Variants in AGTPBP1 observed in about 807,000 individuals in gnomAD.
AGTPBP1 encodes the protein ATP/GTP binding carboxypeptidase 1.
A neutral mutation model predicts 143.9 loss-of-function variants in AGTPBP1; 70 were observed. The observed-to-expected ratio is 0.49, with a 90% confidence interval of 0.40 to 0.59. The LOEUF is 0.59. Ranked by LOEUF, AGTPBP1 falls within the 20% of genes least tolerant of loss-of-function variation. The probability of loss-of-function intolerance (pLI) is 0.00; values close to 1 mark genes in which losing one functional copy is unlikely to be tolerated. For synonymous variants in AGTPBP1, 463 were observed against 500.2 expected (o/e 0.93, Z 0.99); for missense variants, 1,229 against 1,464.5 (o/e 0.84, Z 2.62).
chr9:85,555,476 G>A (rs1826279573), intron 25 of AGTPBP1, among the ~76,000 whole-genome samples: 1 of 152,174 alleles, frequency 6.6e-6, no homozygotes, highest in Non-Finnish European at 1.5e-5. Flanking sequence ...GCAGGCACCT[G>A]TAATCCCAGT....
intron 23 of AGTPBP1, 71 bp downstream of exon 23, chr9:85,585,392 A>G: frequency 7.3e-7 from 1 of 1,371,652 alleles, no homozygotes; most frequent in Non-Finnish European, 9.6e-7. Flanking sequence ...TGAGTAGTTC[A>G]TATATGTTCT....
intron 13 of AGTPBP1, 120 bp from the exon 14 acceptor site, chr9:85,633,494 A>C (rs1251868965): frequency 4.2e-6 from 3 of 720,950 alleles, no homozygotes; most frequent in Non-Finnish European, 6.1e-6. Flanking sequence ...AGATGGATAA[A>C]ACCGGATATG....
At chr9:85,712,372 T>C (rs994000079) in intron 2 of AGTPBP1, 130 bp downstream of exon 2, 2 of 456,210 alleles carry the variant, frequency 4.4e-6, no homozygotes, top group Non-Finnish European at 7.4e-6. Context: ...TTAATAAACA[T>C]TTTTAATTAC....
chr9:85,803,657 C>T, the AGTPBP1 span, among the ~76,000 whole-genome samples: 1 of 152,174 alleles, frequency 6.6e-6, no homozygotes, highest in Non-Finnish European at 1.5e-5. Flanking sequence ...CTTCTTTTAT[C>T]TCACAGCAAT....
At chr9:85,797,224 C>T in the AGTPBP1 span, among the ~76,000 whole-genome samples, 1 of 152,144 alleles carries the variant, frequency 6.6e-6, no homozygotes, top group South Asian at 2.1e-4. Context: ...GCTCCCACCT[C>T]AGCCTCCTGA....
chr9:85,695,774 A>C (rs1241497511), intron 2 of AGTPBP1, among the ~76,000 whole-genome samples: 5 of 152,224 alleles, frequency 3.3e-5, no homozygotes, highest in African/African-American at 1.2e-4. Flanking sequence ...TTTTACTTCA[A>C]GAAAACGATG....
At chr9:85,586,760 C>T in intron 22 of AGTPBP1, 71 bp downstream of exon 22, 1 of 1,535,836 alleles carries the variant, frequency 6.5e-7, no homozygotes, top group Non-Finnish European at 8.9e-7. Context: ...GATTATCACA[C>T]AAGTGCTTGA....
intron 17 of AGTPBP1, among the ~76,000 whole-genome samples, chr9:85,606,347 T>A (rs1393904060): frequency 6.8e-6 from 1 of 147,600 alleles, no homozygotes; most frequent in African/African-American, 2.5e-5. Flanking sequence ...CAAACTACAA[T>A]GAGATACCAT....
At chr9:85,743,745 C>G (rs943618653), upstream of AGTPBP1, among the ~76,000 whole-genome samples, 1 of 152,086 alleles carries the variant, frequency 6.6e-6, no homozygotes. Context: ...AGGGCCACAC[C>G]CTGTTAGCCT....
At chr9:85,694,813 A>T (rs1212369257) in intron 2 of AGTPBP1, among the ~76,000 whole-genome samples, 1 of 152,040 alleles carries the variant, frequency 6.6e-6, no homozygotes, top group African/African-American at 2.4e-5. Context: ...AGCTTCACCA[A>T]CCTAACCAGC....
chr9:85,770,423 T>A, the AGTPBP1 span: 2 of 1,601,712 alleles, frequency 1.2e-6, no homozygotes, highest in Non-Finnish European at 1.7e-6. Context: ...GAAGCAAATG[T>A]CTTGGAAAAA....
At chr9:85,549,117 G>A (rs1825893862) in intron 25 of AGTPBP1, among the ~76,000 whole-genome samples, 1 of 152,186 alleles carries the variant, frequency 6.6e-6, no homozygotes, top group African/African-American at 2.4e-5. Flanking sequence ...AGCAAAGAAA[G>A]GGAAAAGAGG....
At chr9:85,774,762 C>G in the AGTPBP1 span, among the ~76,000 whole-genome samples, 3 of 152,116 alleles carry the variant, frequency 2.0e-5, no homozygotes, top group African/African-American at 7.2e-5. Context: ...GAAGAAGCAA[C>G]CTGAGTAAGC....
chr9:85,765,844 G>C, the AGTPBP1 span, among the ~76,000 whole-genome samples: 2 of 152,160 alleles, frequency 1.3e-5, no homozygotes, highest in Admixed American at 1.3e-4. Context: ...TTAGATTGTT[G>C]CTCATTGAGA....
At chr9:85,668,094 G>C (rs954652625) in intron 8 of AGTPBP1, among the ~76,000 whole-genome samples, 2 of 151,790 alleles carry the variant, frequency 1.3e-5, no homozygotes, top group Non-Finnish European at 1.5e-5. Flanking sequence ...AAATACGCTA[G>C]GAAAAAAGAA....
intron 15 of AGTPBP1, among the ~76,000 whole-genome samples, 171 bp downstream of exon 15, chr9:85,621,031 C>A (rs1269393467): frequency 1.3e-5 from 2 of 152,062 alleles, no homozygotes; most frequent in Admixed American, 6.5e-5. Context: ...CATTACATCC[C>A]AAAGGATGAA....
At chr9:85,800,340 A>G in the AGTPBP1 span, among the ~76,000 whole-genome samples, 2 of 152,168 alleles carry the variant, frequency 1.3e-5, no homozygotes, top group East Asian at 1.9e-4. Flanking sequence ...GAGAGAAAGC[A>G]GCTGTAGTTT....
Position 85,617,375 on chromosome 9 carries a change from C to T in AGTPBP1, c.2335+1608G>A, listed in dbSNP as rs118186379. ...CCCCAGTGCAAGTTTTCTTGTATGC[C>T]AGAAAAAAATTCTTTTCTTTTACAC... On this transcript the variant is annotated intron_variant, in intron 17 of 25. Coordinates refer to ENST00000357081, the MANE Select transcript of AGTPBP1 (RefSeq NM_001330701.2). Among the ~76,000 whole-genome samples the T allele has an allele frequency of 6.2e-3, 949 of 152,030 alleles. 6 individuals are homozygous for T. Among genetic ancestry groups the T allele is most frequent in the East Asian group, 0.023 (117 of 5,182 alleles).
chr9:85,741,713 G>A (rs1234272362), intron 1 of AGTPBP1, 62 bp downstream of exon 1: 18 of 1,269,228 alleles, frequency 1.4e-5, no homozygotes, highest in Admixed American at 1.3e-4. Context: ...CGCATCTCCC[G>A]CGGCCCGGGG....
Sources: allele counts gnomAD v4.1 joint callset (sites outside exome capture counted in the v4.1 genomes callset), GRCh38; gene constraint gnomAD v4.1.1; transcripts MANE v1.5; gene names NCBI Gene and HGNC (gene_info 2026-07-23, HGNC 2026-07-21).